Variants in RPL31 observed in about 807,000 individuals in gnomAD.
RPL31 encodes large ribosomal subunit protein eL31.
For synonymous variants in RPL31, 51 were observed against 55.0 expected (o/e 0.93, Z 0.32); for missense variants, 95 against 164.0 (o/e 0.58, Z 2.30).
intron 3 of RPL31, chr2:101,004,577 G>A (rs1678648721): frequency 2.4e-6 from 1 of 416,196 alleles, no homozygotes; most frequent in African/African-American, 2.0e-5. Flanking sequence ...CAGGTAAAGT[G>A]GAATAAATCA....
intron 4 of RPL31, among the ~76,000 whole-genome samples, chr2:101,013,677 A>G (rs902411764): frequency 2.6e-5 from 4 of 152,184 alleles, no homozygotes; most frequent in Admixed American, 1.3e-4. Context: ...TCTATTTTCT[A>G]TATCATTGTC....
At chr2:101,013,469 TAA>T (rs1406331839) in intron 4 of RPL31, among the ~76,000 whole-genome samples, 1 of 152,242 alleles carries the variant, frequency 6.6e-6, no homozygotes, top group African/African-American at 2.4e-5. Context: ...CAATTTCTAT[TAA>T]AGTGTTCATT....
intron 1 of RPL31, 124 bp from the exon 2 acceptor site, chr2:101,002,578 A>T (rs1678581655): frequency 2.5e-6 from 2 of 795,548 alleles, no homozygotes; most frequent in Admixed American, 2.3e-5. Context: ...TGGGTGACCG[A>T]CTTAGCCTGG....
rs878897148 is a variant in RPL31, at chr2:101,002,616, C to G, written c.1-86C>G. The G allele has an allele frequency of 2.6e-6, 3 of 1,152,244 alleles. No homozygotes were observed. The South Asian group carries it at 3.8e-5, about 15-fold the overall frequency. 71.4% of individuals were successfully genotyped at this position (1,152,244 alleles called of 1,614,324 possible). ...AGACTCTCAGCACCTGGAAGCGCCC[C>G]GAGAGTGACAGCGTGAGGCTGGGAG... On this transcript the variant is annotated intron_variant, in intron 1 of 4. Transcript: ENST00000264258.
chr2:101,003,694 C>T (rs1045444788), intron 2 of RPL31, among the ~76,000 whole-genome samples: 1 of 152,230 alleles, frequency 6.6e-6, no homozygotes, highest in Non-Finnish European at 1.5e-5. Context: ...ATTCATCATA[C>T]TCAAGAAGCG....
chr2:101,011,082 A>G, downstream of RPL31: 1 of 1,542,462 alleles, frequency 6.5e-7, no homozygotes, highest in Middle Eastern at 1.7e-4. Flanking sequence ...AGTGACAGCA[A>G]AAAGGAAACT....
At chr2:101,007,850 G>GTGAT (rs753896884), downstream of RPL31, 3 of 1,613,240 alleles carry the variant, frequency 1.9e-6, no homozygotes, top group East Asian at 2.2e-5. Flanking sequence ...AGTTCAGATT[G>GTGAT]TGATTGGTGG....
At chr2:101,006,309 T>C (rs1297219211) in intron 4 of RPL31, 41 bp from the exon 5 acceptor site, 3 of 1,594,578 alleles carry the variant, frequency 1.9e-6, no homozygotes, top group Non-Finnish European at 2.6e-6. Flanking sequence ...AAATATGAAA[T>C]GTGATGTGGG....
In RPL31 at chr2:101,006,421, T is replaced by C; in HGVS notation, c.*40T>C. The C allele has an allele frequency of 6.3e-7, 1 of 1,593,984 alleles. No homozygotes were observed. The highest frequency in any genetic ancestry group is 1.1e-5 in the South Asian group (1 of 87,598). ...ATCAAATAAAGTTATAAAATTGCCT[T>C]CATGTTTTTGTTCTTTTTAGTTGCA... On this transcript the variant is annotated 3_prime_UTR_variant, in exon 5 of 5. Coordinates refer to ENST00000264258, the MANE Select transcript of RPL31 (RefSeq NM_000993.5).
At chr2:101,015,065 C>T (rs1304028471) in intron 4 of RPL31, among the ~76,000 whole-genome samples, 1 of 152,178 alleles carries the variant, frequency 6.6e-6, no homozygotes, top group African/African-American at 2.4e-5. Context: ...AGTGGACTTA[C>T]ACGAACCTAG....
At chr2:101,006,102 A>G in intron 4 of RPL31, 31 bp downstream of exon 4, 1 of 1,604,672 alleles carries the variant, frequency 6.2e-7, no homozygotes, top group Non-Finnish European at 8.5e-7. Context: ...AGCCATTTAA[A>G]TTCATTAGAA....
At chr2:101,005,271 G>A (rs796494290) in intron 3 of RPL31, 1 of 152,554 alleles carries the variant, frequency 6.6e-6, no homozygotes, top group African/African-American at 2.4e-5. Context: ...GCATGTGGAA[G>A]ATAGAGAAAT....
intron 3 of RPL31, chr2:101,005,402 G>A (rs1678688583): frequency 6.5e-6 from 1 of 154,682 alleles, no homozygotes; most frequent in Admixed American, 6.5e-5. Flanking sequence ...TCCACCTCCT[G>A]GGTTCCAGCT....
chr2:101,006,060 C>G lies in RPL31; in HGVS notation c.335C>G (p.Thr112Ser). ...LYTLVTYVPV[T>S]TFKNLQTVNV... is the part of the protein sequence containing the mutation. Reference sequence around the variant, plus strand: ...ACTTTGGTTACCTATGTACCTGTTACCACTTTCAAAAGTAAGTTCTCCATC... The same window carrying G: ...ACTTTGGTTACCTATGTACCTGTTAGCACTTTCAAAAGTAAGTTCTCCATC... Residue 112 changes from threonine (T) to serine (S), a missense_variant, in exon 4 of 5, where the codon ACC (threonine) becomes AGC (serine). Transcript: ENST00000264258. 1 of 1,613,314 alleles carries G rather than the reference C, an allele frequency of 6.2e-7. No individual in the cohort carries two copies. The highest frequency in any genetic ancestry group is 8.5e-7 in the Non-Finnish European group (1 of 1,179,732).
At chr2:101,016,413 G>C (rs1339220533) in intron 4 of RPL31, among the ~76,000 whole-genome samples, 1 of 151,974 alleles carries the variant, frequency 6.6e-6, no homozygotes. Context: ...TCATTAAAAA[G>C]TCAGGAAACA....
At chr2:101,005,718 G>A in intron 3 of RPL31, 4 of 533,772 alleles carry the variant, frequency 7.5e-6, no homozygotes, top group Non-Finnish European at 1.3e-5. Context: ...GGATTAACCG[G>A]TTGGGTATCA....
intron 1 of RPL31, 99 bp downstream of exon 1, chr2:101,002,414 G>T: frequency 2.4e-6 from 1 of 418,234 alleles, no homozygotes. Context: ...GAGCCAGCCC[G>T]GGGCTCCGGT....
downstream of RPL31, chr2:101,011,050 G>A: frequency 1.2e-6 from 2 of 1,601,634 alleles, no homozygotes; most frequent in Non-Finnish European, 1.7e-6. Flanking sequence ...AAAACAATAT[G>A]TGGTTTAATT....
At chr2:101,017,075 A>T (rs971958959) in intron 4 of RPL31, among the ~76,000 whole-genome samples, 98 of 104,736 alleles carry the variant, frequency 9.4e-4, no homozygotes, top group African/African-American at 2.9e-3. Context: ...TAAAAGTATT[A>T]AAAAAAAAAA....
Sources: gnomAD v4.1 joint callset for allele counts (sites outside exome capture counted in the v4.1 genomes callset) on GRCh38, gnomAD v4.1.1 for gene constraint, MANE v1.5 for transcripts, NCBI Gene and HGNC (gene_info 2026-07-23, HGNC 2026-07-21) for gene names.